IGF1R: variants seen among roughly 807,000 people sequenced by gnomAD.
The protein encoded by IGF1R is insulin-like growth factor 1 receptor.
In IGF1R, 44 loss-of-function variants were observed where a neutral mutation model predicts 144.6. That is an observed-to-expected ratio of 0.30 (90% CI 0.24 to 0.39). The LOEUF (loss-of-function observed/expected upper bound fraction) is 0.39. IGF1R is among the 10% of genes least tolerant of loss of function. The probability of loss-of-function intolerance (pLI) is 1.00; values close to 1 mark genes in which losing one functional copy is unlikely to be tolerated. For missense variants in IGF1R, 1,355 were observed against 1,833.7 expected, an observed-to-expected ratio of 0.74 and a Z score of 4.77; for synonymous variants, 795 against 722.8, an observed-to-expected ratio of 1.10 and a Z score of -1.60.
At chr15:98,931,875 T>C (rs953347401) in intron 15 of IGF1R, among the ~76,000 whole-genome samples, 1 of 152,158 alleles carries the variant, frequency 6.6e-6, no homozygotes, top group South Asian at 2.1e-4. Flanking sequence ...AAGATAGATA[T>C]GCATTGTTTG....
chr15:98,935,260 GGCATCA>G lies in IGF1R; in HGVS notation c.3187-52_3187-47del, dbSNP rs2016097758. 3 of 1,085,866 alleles carry G rather than the reference GGCATCA, an allele frequency of 2.8e-6. No individual in the cohort carries two copies. Among genetic ancestry groups the G allele is most frequent in the Middle Eastern group, 2.7e-4 (1 of 3,668 alleles). 67.3% of individuals were successfully genotyped at this position (1,085,866 alleles called of 1,614,324 possible). A position where few individuals can be genotyped will look rare whatever the true frequency, so the allele number is the denominator to read the frequency against. On this transcript the variant is annotated intron_variant, in intron 16 of 20. Coordinates refer to ENST00000650285, the MANE Select transcript of IGF1R (RefSeq NM_000875.5). The surrounding 1 kb of genome is among the most constrained non-coding windows in gnomAD (Gnocchi z 4.2). ...CACAGAGACAGTTCCAGACAACACA[GGCATCA>G]GCAAGGGCCACCTGACCCTCTGAGT...
At position 98,697,648 on chromosome 15, in the gene IGF1R, A is replaced by G. The variant is rs555509390; in HGVS notation, c.95-9914A>G. Among the ~76,000 whole-genome samples, 15 of 143,430 alleles carry G rather than the reference A, an allele frequency of 1.0e-4. No individual in the cohort carries two copies. In the East Asian group the frequency reaches 2.2e-3, roughly 21 times the overall value. 94.1% of individuals were successfully genotyped at this position (143,430 alleles called of 152,430 possible). ...TGGACGGGCTGTGTGGTCTCCCCTC[A>G]GCTGTCCACTTGCACTTGTGTTAAA... On this transcript the variant is annotated intron_variant, in intron 1 of 20. Transcript: ENST00000650285.
At chr15:98,815,957 C>T (rs12911009) in intron 2 of IGF1R, among the ~76,000 whole-genome samples, 132,756 of 152,162 alleles carry the variant, frequency 0.87, 59,627 homozygotes, top group Non-Finnish European at 0.97. Context: ...AAAATATTTG[C>T]AGCATTCCTT....
intron 2 of IGF1R, among the ~76,000 whole-genome samples, chr15:98,775,186 C>T (rs1330014253): frequency 6.6e-6 from 1 of 152,186 alleles, no homozygotes; most frequent in Non-Finnish European, 1.5e-5. Flanking sequence ...TGGGTCAGGC[C>T]AAGTCCTCCC....
Position 98,916,161 on chromosome 15 carries a change from G to C in IGF1R, c.1996+30G>C. The C allele has an allele frequency of 1.9e-6, 3 of 1,611,852 alleles. No individual in the cohort carries two copies. In the South Asian group the frequency reaches 3.3e-5, roughly 18 times the overall value. ...GGGTGCAGCAGCGGCCTGGACGGAG[G>C]GTGTGACCGTTCATTCCTGTGGTTG... On this transcript the variant is annotated intron_variant, in intron 9 of 20. Transcript: ENST00000650285.
chr15:98,745,035 CTT>C (rs899230370), intron 2 of IGF1R, among the ~76,000 whole-genome samples: 9 of 152,070 alleles, frequency 5.9e-5, no homozygotes, highest in African/African-American at 2.2e-4. Flanking sequence ...TCTCTTATGA[CTT>C]TTTTAGCCTA....
intron 13 of IGF1R, among the ~76,000 whole-genome samples, chr15:98,925,332 A>G (rs539692370): frequency 5.9e-5 from 9 of 152,376 alleles, no homozygotes; most frequent in African/African-American, 1.9e-4. Context: ...AGATTTTAAA[A>G]CAAATTATAA....
At chr15:98,731,388 A>T (rs1245272987) in intron 2 of IGF1R, among the ~76,000 whole-genome samples, 1 of 152,228 alleles carries the variant, frequency 6.6e-6, no homozygotes, top group Non-Finnish European at 1.5e-5. Context: ...ACCCCTAAGA[A>T]TGAATAGCAT....
At chr15:98,862,821 A>G (rs1274089807) in intron 2 of IGF1R, among the ~76,000 whole-genome samples, 1 of 152,214 alleles carries the variant, frequency 6.6e-6, no homozygotes, top group Non-Finnish European at 1.5e-5. Context: ...TTAATTTGAA[A>G]TAATTTCAGA....
chr15:98,681,140 A>AT (rs1464356850), intron 1 of IGF1R, among the ~76,000 whole-genome samples: 1 of 152,188 alleles, frequency 6.6e-6, no homozygotes, highest in Admixed American at 6.5e-5. Flanking sequence ...CATCCCTGTC[A>AT]TTAAGTGATA....
At chr15:98,931,157 A>G (rs1347989496) in intron 15 of IGF1R, among the ~76,000 whole-genome samples, 1 of 152,122 alleles carries the variant, frequency 6.6e-6, no homozygotes, top group Non-Finnish European at 1.5e-5. Flanking sequence ...TCAGGAGGAG[A>G]ATGGAATCAC....
intron 2 of IGF1R, among the ~76,000 whole-genome samples, chr15:98,847,787 T>C (rs2011390819): frequency 1.3e-5 from 2 of 152,334 alleles, no homozygotes; most frequent in South Asian, 4.1e-4. Flanking sequence ...ATTTGAGTTT[T>C]TTAGGAGACA....
At chr15:98,938,200 T>C (rs1289196729) in intron 17 of IGF1R, among the ~76,000 whole-genome samples, 1 of 152,188 alleles carries the variant, frequency 6.6e-6, no homozygotes, top group East Asian at 1.9e-4. Context: ...TTCTCGTCAG[T>C]GAAACCACTG....
At chr15:98,653,946 C>G (rs1356975355) in intron 1 of IGF1R, among the ~76,000 whole-genome samples, 1 of 152,236 alleles carries the variant, frequency 6.6e-6, no homozygotes, top group African/African-American at 2.4e-5. Context: ...TGAATCCAGC[C>G]TGCACTTATT....
At position 98,913,124 on chromosome 15, in the gene IGF1R, C is replaced by T. The variant is rs371466243; in HGVS notation, c.1670C>T (p.Pro557Leu). 17 of 1,614,082 alleles carry T rather than the reference C, an allele frequency of 1.1e-5. No individual in the cohort carries two copies. Among genetic ancestry groups the T allele is most frequent in the African/African-American group, 2.7e-5 (2 of 74,938 alleles). The change falls in exon 8 of 21, where the codon CCG becomes CTG. Residue 557 changes from proline to leucine, a missense_variant. Physicochemically the swap from Pro to Leu is moderately conservative, Grantham distance 98 (BLOSUM62 -3). Coordinates refer to ENST00000650285, the MANE Select transcript of IGF1R (RefSeq NM_000875.5). Reference sequence around the variant, plus strand: ...TGGAACATGGTGGACGTGGACCTCCCGCCCAACAAGGACGTGGAGCCCGGC... The same window carrying T: ...TGGAACATGGTGGACGTGGACCTCCTGCCCAACAAGGACGTGGAGCCCGGC... ...NSWNMVDVDL[P>L]PNKDVEPGIL... is the part of the protein sequence containing the mutation.
At chr15:98,783,849 A>G (rs541785221) in intron 2 of IGF1R, among the ~76,000 whole-genome samples, 3 of 151,788 alleles carry the variant, frequency 2.0e-5, no homozygotes, top group African/African-American at 7.3e-5. Context: ...AAGTGGGTTT[A>G]TAGATAGTAC....
chr15:98,813,136 C>T (rs2056626928), intron 2 of IGF1R, among the ~76,000 whole-genome samples: 1 of 152,112 alleles, frequency 6.6e-6, no homozygotes, highest in South Asian at 2.1e-4. Context: ...TTTTTATTTT[C>T]CATACTTCTG....
At chr15:98,714,318 G>T (rs1041912905) in intron 2 of IGF1R, among the ~76,000 whole-genome samples, 12 of 152,138 alleles carry the variant, frequency 7.9e-5, no homozygotes, top group African/African-American at 2.9e-4. Context: ...TGGCTGACCT[G>T]CTAGATCAAA....
intron 20 of IGF1R, among the ~76,000 whole-genome samples, chr15:98,956,415 G>A (rs1165342035): frequency 6.6e-6 from 1 of 152,248 alleles, no homozygotes; most frequent in Non-Finnish European, 1.5e-5. Context: ...TGGCTCATCG[G>A]CTGGGGCTTG....
Sources: gnomAD v4.1 joint callset for allele counts (sites outside exome capture counted in the v4.1 genomes callset) on GRCh38, gnomAD v4.1.1 for gene constraint, Gnocchi (gnomAD v3.1) non-coding constraint, MANE v1.5 for transcripts, NCBI Gene and HGNC (gene_info 2026-07-23, HGNC 2026-07-21) for gene names.